Variants in TENM2 observed in about 807,000 individuals in gnomAD.
TENM2 encodes teneurin transmembrane protein 2.
TENM2 carries 52 observed loss-of-function variants against 245.2 expected under a neutral mutation model. That is an observed-to-expected ratio of 0.21 (90% confidence interval 0.17 to 0.27). The LOEUF (loss-of-function observed/expected upper bound fraction) is 0.27, where lower values mean the gene tolerates loss of function less well. TENM2 is among the 10% of genes least tolerant of loss of function. TENM2 has a pLI of 1.00. For synonymous variants in TENM2, 1,363 were observed against 1,438.9 expected (o/e 0.95, Z 1.19); for missense variants, 3,046 against 3,666.8 (o/e 0.83, Z 4.37).
the TENM2 span, among the ~76,000 whole-genome samples, chr5:167,070,964 T>C: frequency 2.6e-5 from 4 of 152,184 alleles, no homozygotes; most frequent in Non-Finnish European, 5.9e-5. Context: ...TCTTAACTTA[T>C]CTTTCGACTA....
At position 167,488,196 on chromosome 5, in the gene TENM2, A is replaced by G. The variant is rs557545076; in HGVS notation, c.502+112723A>G. 1.3e-4 allele frequency among the ~76,000 whole-genome samples: 20 copies of G among 152,220 alleles called. 1 individual carries two copies. The highest frequency in any genetic ancestry group is 4.6e-4 in the African/African-American group (19 of 41,540). On this transcript the variant is annotated intron_variant, in intron 2 of 28. Coordinates refer to ENST00000518659, the Ensembl canonical transcript of TENM2. ...CTGTAAGCATAGTGTGTACTGCTCT[A>G]TTGCATATTATTTTTTAAAAAATCG...
Position 167,810,826 on chromosome 5 carries a change from C to T in TENM2, c.503-65160C>T, listed in dbSNP as rs1296810832. 3.9e-5 allele frequency among the ~76,000 whole-genome samples: 6 copies of T among 152,038 alleles called. 1 individual carries two copies. The highest frequency in any genetic ancestry group is 8.8e-5 in the Non-Finnish European group (6 of 67,998). On this transcript the variant is annotated intron_variant, in intron 2 of 28. Coordinates refer to ENST00000518659, the Ensembl canonical transcript of TENM2. ...AACTGGCTTCACTCTTTGCTTTCAC[C>T]CTGCTATTAAGGCCCTTCTCAAATC... is the stretch of plus-strand genomic sequence containing the variant.
chr5:167,753,730 T>C (rs1291603650), intron 2 of TENM2, among the ~76,000 whole-genome samples: 2 of 152,218 alleles, frequency 1.3e-5, no homozygotes, highest in Non-Finnish European at 2.9e-5. Context: ...TTAAACATGC[T>C]GACATGTTGC....
At chr5:167,510,427 C>A (rs904158550) in intron 2 of TENM2, among the ~76,000 whole-genome samples, 14 of 152,126 alleles carry the variant, frequency 9.2e-5, no homozygotes, top group Non-Finnish European at 2.1e-4. Flanking sequence ...GTAGAGCTCA[C>A]CTTATTCGCT....
intron 6 of TENM2, among the ~76,000 whole-genome samples, chr5:168,052,214 C>T (rs1279745410): frequency 1.3e-5 from 2 of 151,874 alleles, no homozygotes; most frequent in Non-Finnish European, 2.9e-5. Context: ...GGTGAGACCC[C>T]GTCTCTACTA....
At chr5:167,776,238 G>T (rs1045143950) in intron 2 of TENM2, among the ~76,000 whole-genome samples, 7 of 149,320 alleles carry the variant, frequency 4.7e-5, no homozygotes, top group East Asian at 2.0e-4. Flanking sequence ...GTGATGGTTG[G>T]ACTAAAAAAG....
intron 1 of TENM2, among the ~76,000 whole-genome samples, chr5:167,358,298 G>T (rs1379580830): frequency 6.6e-6 from 1 of 152,108 alleles, no homozygotes; most frequent in African/African-American, 2.4e-5. Context: ...GGTCACCAAT[G>T]ATTACTATGT....
At chr5:167,082,562 G>A in the TENM2 span, among the ~76,000 whole-genome samples, 1 of 152,126 alleles carries the variant, frequency 6.6e-6, no homozygotes, top group African/African-American at 2.4e-5. Context: ...GCTGGGATCA[G>A]GCATGAGCCA....
rs1773268671 is a variant in TENM2, at chr5:167,556,476, T to G, written c.502+181003T>G. Reference sequence around the variant, plus strand: ...ATCAAAATTCAGCGTGTACGTTTGCTTATTCTAGTTGTGTTGATTTTGATT... The same window carrying G: ...ATCAAAATTCAGCGTGTACGTTTGCGTATTCTAGTTGTGTTGATTTTGATT... On this transcript the variant is annotated intron_variant, in intron 2 of 28. Coordinates refer to ENST00000518659, the Ensembl canonical transcript of TENM2. Among the ~76,000 whole-genome samples, 2 of 151,708 alleles carry G rather than the reference T, an allele frequency of 1.3e-5. 1 individual carries two copies. The highest frequency in any genetic ancestry group is 4.1e-4 in the South Asian group (2 of 4,824).
chr5:167,194,612 G>A, the TENM2 span, among the ~76,000 whole-genome samples: 11 of 152,042 alleles, frequency 7.2e-5, no homozygotes, highest in East Asian at 1.9e-3. Flanking sequence ...GATTAATGAC[G>A]GTGAGAAGGA....
chr5:168,074,994 G>C (rs1417973076), intron 7 of TENM2, among the ~76,000 whole-genome samples: 1 of 152,178 alleles, frequency 6.6e-6, no homozygotes, highest in African/African-American at 2.4e-5. Context: ...CCGTGAATAA[G>C]TTCTTTAGTG....
At chr5:167,225,930 A>T in the TENM2 span, among the ~76,000 whole-genome samples, 37 of 151,738 alleles carry the variant, frequency 2.4e-4, no homozygotes, top group African/African-American at 5.6e-4. Context: ...TGTTTCCTCT[A>T]GGTTTTCTAG....
intron 9 of TENM2, among the ~76,000 whole-genome samples, chr5:168,098,678 G>A (rs1366618337): frequency 6.6e-6 from 1 of 152,146 alleles, no homozygotes; most frequent in Admixed American, 6.5e-5. Context: ...TTTAGAGGCT[G>A]CACACCTTGC....
At chr5:167,663,182 GAGAGAAA>G (rs1755349917) in intron 2 of TENM2, among the ~76,000 whole-genome samples, 5 of 137,522 alleles carry the variant, frequency 3.6e-5, no homozygotes, top group African/African-American at 1.5e-4. Flanking sequence ...GAGAGAGAGA[GAGAGAAA>G]GAGAGAGAAT....
At chr5:167,746,154 C>T (rs1425687380) in intron 2 of TENM2, among the ~76,000 whole-genome samples, 1 of 152,144 alleles carries the variant, frequency 6.6e-6, no homozygotes, top group Non-Finnish European at 1.5e-5. Context: ...AATTCAACCC[C>T]GTACACTTCG....
At chr5:167,758,842 G>T (rs1762475490) in intron 2 of TENM2, among the ~76,000 whole-genome samples, 1 of 151,956 alleles carries the variant, frequency 6.6e-6, no homozygotes, top group South Asian at 2.1e-4. Flanking sequence ...AGGTTTGGGT[G>T]TCATCTGCTT....
At chr5:167,943,516 C>T (rs946897557) in intron 3 of TENM2, among the ~76,000 whole-genome samples, 3 of 152,022 alleles carry the variant, frequency 2.0e-5, no homozygotes, top group African/African-American at 7.3e-5. Context: ...AAAAAATAGC[C>T]TGGTCTTTGA....
At chr5:167,713,587 C>T (rs937657737) in intron 2 of TENM2, among the ~76,000 whole-genome samples, 1 of 152,182 alleles carries the variant, frequency 6.6e-6, no homozygotes, top group Non-Finnish European at 1.5e-5. Context: ...CATTCATGTG[C>T]ATATGCAGAC....
At chr5:167,037,309 G>A in the TENM2 span, among the ~76,000 whole-genome samples, 1 of 152,160 alleles carries the variant, frequency 6.6e-6, no homozygotes, top group East Asian at 1.9e-4. Context: ...TTGAAGCTAT[G>A]TTATGGTAAT....
Sources: gnomAD v4.1 joint callset for allele counts (sites outside exome capture counted in the v4.1 genomes callset) on GRCh38, gnomAD v4.1.1 for gene constraint, MANE v1.5 for transcripts, NCBI Gene and HGNC (gene_info 2026-07-23, HGNC 2026-07-21) for gene names.